The following PDSS2 variants were observed in gnomAD, a reference collection of about 807,000 sequenced individuals.
The protein encoded by PDSS2 is decaprenyl diphosphate synthase subunit 2.
A neutral mutation model predicts 44.5 loss-of-function variants in PDSS2; 31 were observed. The observed-to-expected ratio is 0.70, with a 90% confidence interval of 0.52 to 0.94. The LOEUF (loss-of-function observed/expected upper bound fraction) is 0.94, where lower values mean the gene tolerates loss of function less well. PDSS2 is among the 40% of genes least tolerant of loss of function. PDSS2 has a pLI of 0.00. For missense variants in PDSS2, 452 were observed against 482.2 expected (o/e 0.94, Z 0.59); for synonymous variants, 157 against 180.3 (o/e 0.87, Z 1.03).
chr6:107,211,081 T>C (rs980970023), intron 5 of PDSS2, among the ~76,000 whole-genome samples: 2 of 151,948 alleles, frequency 1.3e-5, no homozygotes, highest in African/African-American at 4.8e-5. Context: ...TTCTAGTGGG[T>C]GGTGGTCTTT....
chr6:107,318,696 A>G lies in PDSS2; in HGVS notation c.431+15502T>C, dbSNP rs530453243. Among the ~76,000 whole-genome samples the G allele has an allele frequency of 1.7e-4, 26 of 152,258 alleles. No individual in the cohort carries two copies. The South Asian group carries it at 2.7e-3, about 16-fold the overall frequency. On this transcript the variant is annotated intron_variant, in intron 2 of 7. Transcript: ENST00000369037. ...CAAAAATTCCCATTTAAATATACTCAGTTCATCGGCCGGGCACGGTGGCTC... is the reference window on the plus strand; with the variant it reads ...CAAAAATTCCCATTTAAATATACTCGGTTCATCGGCCGGGCACGGTGGCTC...
At chr6:107,286,234 G>A (rs1020847913) in intron 2 of PDSS2, among the ~76,000 whole-genome samples, 11 of 151,964 alleles carry the variant, frequency 7.2e-5, no homozygotes, top group East Asian at 1.9e-4. Flanking sequence ...TAGGCTGGGC[G>A]CAGTGGCTAA....
At chr6:107,203,310 C>T (rs139287996) in intron 6 of PDSS2, among the ~76,000 whole-genome samples, 1,895 of 152,294 alleles carry the variant, frequency 0.012, 20 homozygotes, top group Middle Eastern at 0.044. Flanking sequence ...CCAGTCCACA[C>T]CTGTCAGCCT....
intron 1 of PDSS2, among the ~76,000 whole-genome samples, chr6:107,353,315 A>G (rs1017986354): frequency 6.6e-6 from 1 of 152,214 alleles, no homozygotes; most frequent in African/African-American, 2.4e-5. Flanking sequence ...ACAATAAAGC[A>G]TATATTTTAC....
rs542264096 is a variant in PDSS2, at chr6:107,334,292, C to T, written c.337G>A (p.Gly113Ser). The T allele has an allele frequency of 2.5e-5, 41 of 1,613,560 alleles. 1 individual carries two copies. In the South Asian group the frequency reaches 4.2e-4, roughly 16 times the overall value. The change falls in exon 2 of 8, where the codon GGC becomes AGC. Residue 113 changes from glycine (G) to serine (S), a missense_variant. By Grantham distance (56) the Gly-to-Ser change is moderately conservative (BLOSUM62 0). Transcript: ENST00000369037. ...TTAGAGATAAGGAGCACCACCAAGC[C>T]CCTCAACTGGAGGCTATTCCAGCTG... is the stretch of plus-strand genomic sequence containing the variant. ...HDSWNSLQLRGLVVLLISKAA... is the reference protein window; with the variant it reads ...HDSWNSLQLRSLVVLLISKAA...
chr6:107,283,523 C>G (rs1776040900), intron 2 of PDSS2, among the ~76,000 whole-genome samples: 1 of 151,762 alleles, frequency 6.6e-6, no homozygotes, highest in African/African-American at 2.4e-5. Flanking sequence ...GAGTTCGACA[C>G]CAGCCTGACC....
chr6:107,377,132 C>G (rs1189864645), intron 1 of PDSS2, among the ~76,000 whole-genome samples: 1 of 141,250 alleles, frequency 7.1e-6, no homozygotes, highest in Non-Finnish European at 1.5e-5. Context: ...TTTTCGCAAC[C>G]TACTCATCAG....
intron 2 of PDSS2, among the ~76,000 whole-genome samples, chr6:107,333,355 A>C (rs1444300666): frequency 6.6e-6 from 1 of 152,168 alleles, no homozygotes; most frequent in Non-Finnish European, 1.5e-5. Context: ...TTTTTAAACA[A>C]AACTGAAAAT....
At chr6:107,169,550 C>T (rs1031953319) in intron 7 of PDSS2, among the ~76,000 whole-genome samples, 19 of 152,046 alleles carry the variant, frequency 1.2e-4, no homozygotes, top group Admixed American at 7.9e-4. Context: ...GGGGGAGAGG[C>T]GCTCTGATTT....
intron 1 of PDSS2, among the ~76,000 whole-genome samples, chr6:107,354,825 T>C (rs142190633): frequency 1.3e-5 from 2 of 152,350 alleles, no homozygotes; most frequent in East Asian, 3.9e-4. Context: ...ATTTTTATTA[T>C]ACCTGCAAAA....
At chr6:107,435,797 G>C (rs1242058622) in intron 1 of PDSS2, among the ~76,000 whole-genome samples, 6 of 152,034 alleles carry the variant, frequency 3.9e-5, no homozygotes, top group Non-Finnish European at 8.8e-5. Flanking sequence ...CCTATCTCTA[G>C]CATCACAATA....
At chr6:107,161,271 G>A (rs1771117967) in intron 7 of PDSS2, among the ~76,000 whole-genome samples, 1 of 151,926 alleles carries the variant, frequency 6.6e-6, no homozygotes, top group Non-Finnish European at 1.5e-5. Context: ...ACGAGGTCGG[G>A]AGATCGAGAC....
chr6:107,450,386 A>G (rs1210280015), intron 1 of PDSS2, among the ~76,000 whole-genome samples: 1 of 152,224 alleles, frequency 6.6e-6, no homozygotes, highest in Non-Finnish European at 1.5e-5. Flanking sequence ...TCAATTCACA[A>G]TGACCAACTA....
chr6:107,234,475 GATTAC>G (rs1774161934), intron 4 of PDSS2, among the ~76,000 whole-genome samples: 1 of 151,578 alleles, frequency 6.6e-6, no homozygotes, highest in African/African-American at 2.4e-5. Context: ...AAAGTGCTGG[GATTAC>G]AGGTGTAAGC....
chr6:107,180,435 G>GAT (rs1040907399), intron 7 of PDSS2, among the ~76,000 whole-genome samples: 19 of 152,206 alleles, frequency 1.2e-4, no homozygotes, highest in African/African-American at 4.6e-4. Flanking sequence ...TACTTGGGGG[G>GAT]ATATAAGAGG....
chr6:107,294,808 A>G (rs887637563), intron 2 of PDSS2, among the ~76,000 whole-genome samples: 1 of 152,186 alleles, frequency 6.6e-6, no homozygotes, highest in African/African-American at 2.4e-5. Flanking sequence ...ACTTTTGCTG[A>G]GGTAAAATAT....
At chr6:107,198,673 T>C (rs1029354362) in intron 6 of PDSS2, among the ~76,000 whole-genome samples, 1 of 152,196 alleles carries the variant, frequency 6.6e-6, no homozygotes, top group Non-Finnish European at 1.5e-5. Context: ...AAAAATATAC[T>C]GACCAGGCAC....
At chr6:107,212,378 C>CAA in intron 4 of PDSS2, 96 bp from the exon 5 acceptor site, 2 of 921,912 alleles carry the variant, frequency 2.2e-6, no homozygotes, top group Non-Finnish European at 3.3e-6. Flanking sequence ...ACGAACTATT[C>CAA]AAAAACACTC....
At chr6:107,221,760 A>G (rs1773616800) in intron 4 of PDSS2, among the ~76,000 whole-genome samples, 1 of 152,232 alleles carries the variant, frequency 6.6e-6, no homozygotes, top group African/African-American at 2.4e-5. Flanking sequence ...GTACATATCT[A>G]CTCACATGAG....
Sources: allele counts gnomAD v4.1 joint callset (sites outside exome capture counted in the v4.1 genomes callset), GRCh38; gene constraint gnomAD v4.1.1; transcripts MANE v1.5; gene names NCBI Gene and HGNC (gene_info 2026-07-23, HGNC 2026-07-21).